Variants in HDAC4 observed in about 807,000 individuals in gnomAD.
The protein encoded by HDAC4 is histone deacetylase A.
HDAC4 carries 16 observed loss-of-function variants against 135.1 expected under a neutral mutation model. The ratio of observed to expected loss-of-function variants is 0.12; its 90% CI spans 0.08 to 0.18. The LOEUF (loss-of-function observed/expected upper bound fraction) is 0.18. Among genes scored for constraint, HDAC4 ranks in the 10% least tolerant of loss-of-function variants. The probability of loss-of-function intolerance (pLI) is 1.00; values close to 1 mark genes in which losing one functional copy is unlikely to be tolerated. For missense variants in HDAC4, 1,143 were observed against 1,511.8 expected, an observed-to-expected ratio of 0.76 and a Z score of 4.05; for synonymous variants, 685 against 653.4, an observed-to-expected ratio of 1.05 and a Z score of -0.74.
intron 3 of HDAC4, among the ~76,000 whole-genome samples, chr2:239,231,997 GC>G (rs2047600525): frequency 7.1e-6 from 1 of 140,468 alleles, no homozygotes; most frequent in Non-Finnish European, 1.6e-5. Context: ...TCCCCGAAGC[GC>G]CCCTGTCCTC....
intron 16 of HDAC4, among the ~76,000 whole-genome samples, chr2:239,099,045 T>C (rs2037375567): frequency 6.6e-6 from 1 of 152,248 alleles, no homozygotes; most frequent in Non-Finnish European, 1.5e-5. Context: ...GCAGAGACAC[T>C]TCAATAAAGA....
chr2:239,072,293 T>C (rs2034277784), intron 22 of HDAC4, among the ~76,000 whole-genome samples: 1 of 152,262 alleles, frequency 6.6e-6, no homozygotes, highest in Non-Finnish European at 1.5e-5. Context: ...ATGCAGTTTT[T>C]TTCAAAATAT....
chr2:239,206,267 G>A (rs1350220287), intron 3 of HDAC4, among the ~76,000 whole-genome samples: 5 of 152,202 alleles, frequency 3.3e-5, no homozygotes, highest in African/African-American at 1.2e-4. Flanking sequence ...GGCAGAGGCT[G>A]CAGTGAGCTG....
At chr2:239,357,458 A>AG (rs954199403) in intron 1 of HDAC4, among the ~76,000 whole-genome samples, 4 of 152,050 alleles carry the variant, frequency 2.6e-5, no homozygotes, top group Non-Finnish European at 5.9e-5. Context: ...AATAAGAAAA[A>AG]AAAAACAGTA....
At chr2:239,138,026 T>C (rs1456970570) in intron 9 of HDAC4, among the ~76,000 whole-genome samples, 1 of 152,210 alleles carries the variant, frequency 6.6e-6, no homozygotes, top group African/African-American at 2.4e-5. Context: ...TGCCTCATTT[T>C]AAATAAAAAC....
chr2:239,124,583 T>G (rs1181037004), intron 12 of HDAC4, among the ~76,000 whole-genome samples: 2 of 131,042 alleles, frequency 1.5e-5, no homozygotes, highest in Admixed American at 7.1e-5. Flanking sequence ...TGCCGGCATG[T>G]GGCCGCACGT....
At chr2:239,073,126 C>T (rs2034364700) in intron 22 of HDAC4, among the ~76,000 whole-genome samples, 1 of 152,226 alleles carries the variant, frequency 6.6e-6, no homozygotes, top group Non-Finnish European at 1.5e-5. Context: ...GTCAAATCCA[C>T]ACCTAGGCAC....
chr2:239,289,683 C>T (rs2125482310), intron 2 of HDAC4, among the ~76,000 whole-genome samples: 1 of 152,358 alleles, frequency 6.6e-6, no homozygotes, highest in Admixed American at 6.5e-5. Context: ...CCCTCCCAGC[C>T]ACCTGGCTCA....
chr2:239,210,433 T>C (rs1485870032), intron 3 of HDAC4, among the ~76,000 whole-genome samples: 1 of 152,248 alleles, frequency 6.6e-6, no homozygotes, highest in African/African-American at 2.4e-5. Flanking sequence ...GAAGCATACT[T>C]ACACGGCAAA....
At chr2:239,180,924 A>G (rs1188607349) in intron 4 of HDAC4, among the ~76,000 whole-genome samples, 1 of 152,212 alleles carries the variant, frequency 6.6e-6, no homozygotes, top group Admixed American at 6.5e-5. Flanking sequence ...TGCAGCCTGC[A>G]GCCCACAGCC....
intron 1 of HDAC4, among the ~76,000 whole-genome samples, chr2:239,383,149 C>T (rs942499552): frequency 2.0e-5 from 3 of 152,206 alleles, no homozygotes; most frequent in African/African-American, 7.2e-5. Context: ...GATCTCACCC[C>T]GCTCACCCAA....
At chr2:239,065,160 C>A (rs2033309992) in intron 24 of HDAC4, among the ~76,000 whole-genome samples, 2 of 152,222 alleles carry the variant, frequency 1.3e-5, no homozygotes, top group Admixed American at 1.3e-4. Flanking sequence ...TGGCTGCAGT[C>A]CCTGCCATCC....
chr2:239,159,932 G>A lies in HDAC4; in HGVS notation c.612-3159C>T, dbSNP rs940488922. Among the ~76,000 whole-genome samples the A allele has an allele frequency of 3.9e-5, 6 of 152,272 alleles. No homozygotes were observed. In the East Asian group the frequency reaches 5.8e-4, roughly 15 times the overall value. ...CACCTAAAGGCAAACCTTGTCTTCC[G>A]GAGGAAGATGGAAAAGCAAATACTG... On this transcript the variant is annotated intron_variant, in intron 6 of 26. Transcript: ENST00000543185.
rs1482422433 is a variant in HDAC4, at chr2:239,240,005, G to A, written c.23-3341C>T. On this transcript the variant is annotated intron_variant, in intron 2 of 26. Transcript: ENST00000543185. This position sits in a 1 kb window ranked among gnomAD's most constrained non-coding sequence, Gnocchi z 4.5. ...CACAGTCTCTTTAAGACAAGATCCCGGCCTGAGCCGTCCTTGGTCGTCCAC... is the reference window on the plus strand; with the variant it reads ...CACAGTCTCTTTAAGACAAGATCCCAGCCTGAGCCGTCCTTGGTCGTCCAC... Among the ~76,000 whole-genome samples, 3 of 152,356 alleles carry A rather than the reference G, an allele frequency of 2.0e-5. No homozygotes were observed. The highest frequency in any genetic ancestry group is 2.4e-5 in the African/African-American group (1 of 41,586).
At chr2:239,329,412 G>T (rs529948252) in intron 2 of HDAC4, among the ~76,000 whole-genome samples, 111 of 152,262 alleles carry the variant, frequency 7.3e-4, no homozygotes, top group Non-Finnish European at 1.5e-3. Context: ...AGTGAGACAG[G>T]CACAGCCTCT....
intron 25 of HDAC4, 41 bp from the exon 26 acceptor site, chr2:239,053,642 C>T: frequency 2.5e-6 from 4 of 1,600,772 alleles, no homozygotes; most frequent in East Asian, 2.2e-5. Flanking sequence ...GTGACTACAA[C>T]TTAGCAGGAT....
At chr2:239,170,922 C>T (rs957665520) in intron 5 of HDAC4, among the ~76,000 whole-genome samples, 2 of 152,166 alleles carry the variant, frequency 1.3e-5, no homozygotes, top group Admixed American at 6.5e-5. Flanking sequence ...AGGGATATGC[C>T]TTATGAGTAA....
intron 2 of HDAC4, among the ~76,000 whole-genome samples, chr2:239,247,777 G>A (rs2048550628): frequency 6.6e-6 from 1 of 152,198 alleles, no homozygotes; most frequent in African/African-American, 2.4e-5. Context: ...GAAAGTCTAG[G>A]CAGGCACATT....
chr2:239,181,624 C>G (rs912555434), intron 4 of HDAC4, among the ~76,000 whole-genome samples: 2 of 152,250 alleles, frequency 1.3e-5, no homozygotes, highest in Non-Finnish European at 2.9e-5. Flanking sequence ...CGCTGGCCTC[C>G]GAAGACTCAC....
Sources: allele counts gnomAD v4.1 joint callset (sites outside exome capture counted in the v4.1 genomes callset), GRCh38; gene constraint gnomAD v4.1.1; non-coding constraint Gnocchi (gnomAD v3.1); transcripts MANE v1.5; gene names NCBI Gene and HGNC (gene_info 2026-07-23, HGNC 2026-07-21).